The following STRBP variants were observed in gnomAD, a reference collection of about 807,000 sequenced individuals.
STRBP encodes spermatid perinuclear RNA-binding protein.
A neutral mutation model predicts 80.1 loss-of-function variants in STRBP; 13 were observed. That is an observed-to-expected ratio of 0.16 (90% CI 0.11 to 0.26). The LOEUF is 0.26. STRBP is among the 10% of genes least tolerant of loss of function. STRBP has a pLI of 1.00. For synonymous variants in STRBP, 284 were observed against 291.2 expected, an observed-to-expected ratio of 0.98 and a Z score of 0.25; for missense variants, 485 against 815.2, an observed-to-expected ratio of 0.59 and a Z score of 4.93.
At chr9:123,209,852 T>C (rs1049614276) in intron 2 of STRBP, among the ~76,000 whole-genome samples, 3 of 152,216 alleles carry the variant, frequency 2.0e-5, no homozygotes, top group African/African-American at 4.8e-5. Context: ...TCATCAATGG[T>C]TGCCATACAC....
intron 1 of STRBP, among the ~76,000 whole-genome samples, chr9:123,248,762 T>C (rs1384899496): frequency 6.6e-6 from 1 of 152,204 alleles, no homozygotes; most frequent in Non-Finnish European, 1.5e-5. Context: ...TGTCTGTACT[T>C]TCCCATAATA....
rs529184463 is a variant in STRBP at position 123,226,194 on chromosome 9, A to T, written c.-165+10636T>A. ...ACTAAAAATGAGTCACACTTAAGAA[A>T]TCAGATCAATGGTTTCCAGGAGCAG... On this transcript the variant is annotated intron_variant, in intron 2 of 18. Coordinates refer to ENST00000348403, the MANE Select transcript of STRBP (RefSeq NM_018387.5). Among the ~76,000 whole-genome samples the T allele has an allele frequency of 6.6e-5, 10 of 152,310 alleles. No homozygotes were observed. The South Asian group carries it at 2.1e-3, about 32-fold the overall frequency.
chr9:123,263,650 T>G (rs1435510552), intron 1 of STRBP, among the ~76,000 whole-genome samples: 3 of 151,406 alleles, frequency 2.0e-5, no homozygotes, highest in Non-Finnish European at 4.4e-5. Flanking sequence ...CATTTAAAAA[T>G]CATTCCCCCT....
At position 123,125,440 on chromosome 9, in the gene STRBP, A is replaced by C. The variant is rs1315425153; in HGVS notation, c.*157T>G. The stretch of plus-strand genomic sequence containing the variant: ...TTTTTTTTCAAGTTTTAGAGAACTA[A>C]ATTTGCATTTGTTAAAATCAAAAAG... On this transcript the variant is annotated 3_prime_UTR_variant, in exon 19 of 19. Transcript: ENST00000348403. 7.9e-7 allele frequency: 1 copy of C among 1,262,406 alleles called. No individual in the cohort carries two copies. The allele number at this position is 1,262,406 out of a possible 1,614,324, so 78.2% of individuals were successfully genotyped here.
intron 2 of STRBP, among the ~76,000 whole-genome samples, chr9:123,189,982 T>C (rs1686546684): frequency 6.6e-6 from 1 of 152,096 alleles, no homozygotes; most frequent in African/African-American, 2.4e-5. Flanking sequence ...ATGAATCAAC[T>C]CAGAACACAC....
chr9:123,225,679 T>C (rs577333704), intron 2 of STRBP, among the ~76,000 whole-genome samples: 6 of 152,314 alleles, frequency 3.9e-5, no homozygotes, highest in East Asian at 1.9e-4. Flanking sequence ...CCTGATGGTA[T>C]TGGCGATTCA....
chr9:123,166,100 G>A (rs1352548312), intron 6 of STRBP, among the ~76,000 whole-genome samples: 1 of 152,092 alleles, frequency 6.6e-6, no homozygotes, highest in East Asian at 1.9e-4. Flanking sequence ...AAGGATAAAG[G>A]ACAGGCAAAA....
At chr9:123,179,318 G>C (rs2038356090) in intron 3 of STRBP, 91 bp from the exon 4 acceptor site, 6 of 1,059,788 alleles carry the variant, frequency 5.7e-6, no homozygotes, top group Non-Finnish European at 8.2e-6. Context: ...CCAACCCATA[G>C]CACTGACTGT....
chr9:123,214,346 A>G (rs572148323), intron 2 of STRBP, among the ~76,000 whole-genome samples: 8 of 152,302 alleles, frequency 5.3e-5, no homozygotes, highest in African/African-American at 1.4e-4. Flanking sequence ...ATGCAAAGGC[A>G]TAAGAATGAT....
intron 2 of STRBP, among the ~76,000 whole-genome samples, chr9:123,212,103 T>C (rs917737651): frequency 7.1e-4 from 108 of 152,206 alleles, no homozygotes; most frequent in African/African-American, 2.5e-3. Flanking sequence ...ACGGATTTTT[T>C]TCAGTTATTA....
intron 3 of STRBP, among the ~76,000 whole-genome samples, chr9:123,183,010 G>A (rs541038233): frequency 4.0e-5 from 3 of 75,746 alleles, no homozygotes; most frequent in South Asian, 1.1e-3. Flanking sequence ...GCAAGATCCT[G>A]TCTCAAAAAA....
In STRBP at chr9:123,123,382, A is replaced by G. The variant is rs2035792313; in HGVS notation, c.*2215T>C. ...CAGGTGGGGGGACACTTAATTCATT[A>G]CAGAATTTAAACAGTTGAACTTGCA... On this transcript the variant is annotated 3_prime_UTR_variant, in exon 19 of 19. Transcript: ENST00000348403. The G allele has an allele frequency of 2.0e-5, 20 of 985,358 alleles. No homozygotes were observed. In the South Asian group the frequency reaches 6.6e-4, roughly 32 times the overall value. The allele number at this position is 985,358 out of a possible 1,614,324, so 61.0% of individuals were successfully genotyped here.
intron 1 of STRBP, among the ~76,000 whole-genome samples, chr9:123,265,774 C>T (rs2041253241): frequency 6.6e-6 from 1 of 152,236 alleles, no homozygotes; most frequent in Admixed American, 6.5e-5. Flanking sequence ...TAACATTACA[C>T]TTCCCAACTC....
Position 123,228,691 on chromosome 9 carries a change from G to A in STRBP, c.-165+8139C>T, listed in dbSNP as rs566883235. Among the ~76,000 whole-genome samples the A allele has an allele frequency of 2.0e-5, 3 of 152,276 alleles. No individual in the cohort carries two copies. The East Asian group carries it at 5.8e-4, about 29-fold the overall frequency. On this transcript the variant is annotated intron_variant, in intron 2 of 18. Coordinates refer to ENST00000348403, the MANE Select transcript of STRBP (RefSeq NM_018387.5). ...GAAATAGAGGAAAAACCTGATTAAA[G>A]TTGGCTTAAGAGAGAACAAGATGAA... is the stretch of plus-strand genomic sequence containing the variant.
At chr9:123,224,042 A>G (rs1349520433) in intron 2 of STRBP, among the ~76,000 whole-genome samples, 7 of 152,230 alleles carry the variant, frequency 4.6e-5, no homozygotes, top group Non-Finnish European at 1.5e-5. Context: ...ACTTCACAAC[A>G]TGTTTCAAAA....
chr9:123,132,919 C>G lies in STRBP; in HGVS notation c.1823G>C (p.Arg608Pro). The change falls in exon 17 of 19, where the codon CGG becomes CCG. Residue 608 changes from arginine to proline, a missense_variant. Around this residue, in one of 3 missense-constraint regions of STRBP, gnomAD observed 85 missense variants for 120.1 expected, o/e 0.71. Coordinates refer to ENST00000348403, the MANE Select transcript of STRBP (RefSeq NM_018387.5). ...TGTTAGAGTTCCTCTTCCTCTGCCC[C>G]GAACAGCTTGGACTGCTGCAGACAC... ...TAVSAAVQAV[R>P]GRGRGTLTRG... 3 of 1,614,106 alleles carry G rather than the reference C, an allele frequency of 1.9e-6. No individual in the cohort carries two copies. Among genetic ancestry groups the G allele is most frequent in the Middle Eastern group, 3.3e-4 (2 of 6,060 alleles).
intron 3 of STRBP, chr9:123,113,976 A>T (rs1564203692): frequency 6.0e-6 from 1 of 167,146 alleles, no homozygotes; most frequent in Non-Finnish European, 1.5e-5. Context: ...GGCCCTTTAC[A>T]GAAAGGATTT....
At chr9:123,113,645 G>T in intron 3 of STRBP, 1 of 167,348 alleles carries the variant, frequency 6.0e-6, no homozygotes. Context: ...CTCACACGGA[G>T]GAGATGCTCA....
intron 2 of STRBP, among the ~76,000 whole-genome samples, chr9:123,222,551 A>G (rs2132557730): frequency 6.6e-6 from 1 of 152,304 alleles, no homozygotes; most frequent in African/African-American, 2.4e-5. Context: ...ATAAAAGAGG[A>G]GCCACCTATA....
Sources: allele counts gnomAD v4.1 joint callset (sites outside exome capture counted in the v4.1 genomes callset), GRCh38; gene constraint gnomAD v4.1.1; regional missense constraint gnomAD v4.1.1; transcripts MANE v1.5; gene names NCBI Gene and HGNC (gene_info 2026-07-23, HGNC 2026-07-21).